The following PCDHB7 variants were observed in gnomAD, a reference collection of about 807,000 sequenced individuals.
PCDHB7 encodes the protein protocadherin beta-7.
For synonymous variants in PCDHB7, 542 were observed against 463.1 expected (o/e 1.17, Z -2.19); for missense variants, 1,148 against 1,011.6 (o/e 1.13, Z -1.83).
chr5:141,174,291 G>T lies in PCDHB7; in HGVS notation c.1456G>T (p.Val486Phe). The change falls in exon 1 of 1, where the codon GTC (valine) becomes TTC (phenylalanine). Residue 486 changes from valine (V) to phenylalanine (F), a missense_variant. By Grantham distance (50) the Val-to-Phe change is conservative. Coordinates refer to ENST00000231137, the MANE Select transcript of PCDHB7 (RefSeq NM_018940.4). Reference sequence around the variant, plus strand: ...CAGAGACTCGGGCACCAACGCCCAGGTCATCTACTCCCTGCTGCCGTCCCA... The same window carrying T: ...CAGAGACTCGGGCACCAACGCCCAGTTCATCTACTCCCTGCTGCCGTCCCA... ...TDRDSGTNAQ[V>F]IYSLLPSQDP... The T allele has an allele frequency of 2.5e-6, 4 of 1,612,480 alleles. No homozygotes were observed. The highest frequency in any genetic ancestry group is 3.4e-6 in the Non-Finnish European group (4 of 1,179,616).
rs782138451 is a variant in PCDHB7, at chr5:141,172,953, G to A, written c.118G>A (p.Glu40Lys). Residue 40 changes from glutamate to lysine, a missense_variant, in exon 1 of 1, where the codon GAG (glutamate) becomes AAG (lysine). By Grantham distance (56) the Glu-to-Lys change is moderately conservative. Transcript: ENST00000231137. ...TCGGTATTTTGTGGCGGAGGAAACC[G>A]AGAGAGGCACCTTTCTTACCAACTT... ...PLRYFVAEETERGTFLTNLAK... is the reference protein window; with the variant it reads ...PLRYFVAEETKRGTFLTNLAK... 26 of 1,614,100 alleles carry A rather than the reference G, an allele frequency of 1.6e-5. No individual in the cohort carries two copies. The highest frequency in any genetic ancestry group is 2.1e-5 in the Non-Finnish European group (25 of 1,180,052).
chr5:141,173,759 C>A lies in PCDHB7; in HGVS notation c.924C>A (p.Asp308Glu), dbSNP rs1753280497. Residue 308 changes from aspartate (D) to glutamate (E), a missense_variant, in exon 1 of 1, where the codon GAC becomes GAA. By Grantham distance (45) the Asp-to-Glu change is conservative (BLOSUM62 2). Transcript: ENST00000231137. ...GTCTTCATCTTAAAGCGCAATTGGA[C>A]TATGAGGCAATTCAAACTTACACAT... ...SGSLHLKAQL[D>E]YEAIQTYTLT... is the part of the protein sequence containing the mutation. The A allele has an allele frequency of 6.2e-7, 1 of 1,613,950 alleles. No individual in the cohort carries two copies. The highest frequency in any genetic ancestry group is 8.5e-7 in the Non-Finnish European group (1 of 1,179,974).
chr5:141,174,964 G>C lies in PCDHB7; in HGVS notation c.2129G>C (p.Arg710Pro), dbSNP rs782717515. The stretch of plus-strand genomic sequence containing the variant: ...TCGGTGCTCCTGTTCGTGGCGGTGC[G>C]GCTGTGCAGGAGGAGCAGGGCGGCC... ...LLSVLLFVAV[R>P]LCRRSRAAPV... The change falls in exon 1 of 1, where the codon CGG becomes CCG. Residue 710 changes from arginine (R) to proline (P), a missense_variant. Arg to Pro is a moderately radical substitution (Grantham distance 103). Coordinates refer to ENST00000231137, the MANE Select transcript of PCDHB7 (RefSeq NM_018940.4). 16 of 1,611,094 alleles carry C rather than the reference G, an allele frequency of 9.9e-6. No individual in the cohort carries two copies. In the Admixed American group the frequency reaches 1.0e-4, roughly 10 times the overall value.
rs1236153005 is a variant in PCDHB7 at position 141,175,413 on chromosome 5, T to A, written c.*196T>A. ...CAAAGCATGAAATGTATATGTGTAA[T>A]GTTTTATGTCAAACAATTATGCTTA... On this transcript the variant is annotated 3_prime_UTR_variant, in exon 1 of 1. Coordinates refer to ENST00000231137, the MANE Select transcript of PCDHB7 (RefSeq NM_018940.4). The A allele has an allele frequency of 1.5e-6, 1 of 686,650 alleles. No homozygotes were observed. Among genetic ancestry groups the A allele is most frequent in the East Asian group, 3.0e-5 (1 of 32,866 alleles). The allele number at this position is 686,650 out of a possible 1,614,324, so 42.5% of individuals were successfully genotyped here.
rs375732369 is a variant in PCDHB7, at chr5:141,174,909, T to A, written c.2074T>A (p.Leu692Met). Residue 692 changes from leucine to methionine, a missense_variant, in exon 1 of 1, where the codon TTG becomes ATG. Coordinates refer to ENST00000231137, the MANE Select transcript of PCDHB7 (RefSeq NM_018940.4). ...NSLTVYLVVA[L>M]ASVSSLFLLS... ...GCTCACCGTCTACCTGGTGGTGGCG[T>A]TGGCCTCGGTGTCTTCGCTCTTCCT... is the stretch of plus-strand genomic sequence containing the variant. The A allele has an allele frequency of 6.2e-7, 1 of 1,610,818 alleles. No individual in the cohort carries two copies. The highest frequency in any genetic ancestry group is 2.2e-5 in the East Asian group (1 of 44,682).
rs1753361172 is a variant in PCDHB7, at chr5:141,175,540, A to G, written c.*323A>G. 1 of 360,004 alleles carries G rather than the reference A, an allele frequency of 2.8e-6. No individual in the cohort carries two copies. Among genetic ancestry groups the G allele is most frequent in the Non-Finnish European group, 5.1e-6 (1 of 197,786 alleles). The allele number at this position is 360,004 out of a possible 1,614,324, so 22.3% of individuals were successfully genotyped here. A position where few individuals can be genotyped will look rare whatever the true frequency, so the allele number is the denominator to read the frequency against. Reference sequence around the variant, plus strand: ...CTTCCTGAGTTGATTAGAAAGCTGTATGAGTGTACCTACCCTAGTCTCAGA... The same window carrying G: ...CTTCCTGAGTTGATTAGAAAGCTGTGTGAGTGTACCTACCCTAGTCTCAGA... On this transcript the variant is annotated 3_prime_UTR_variant, in exon 1 of 1. Coordinates refer to ENST00000231137, the MANE Select transcript of PCDHB7 (RefSeq NM_018940.4).
In PCDHB7 at chr5:141,174,304, T is replaced by A; in HGVS notation, c.1469T>A (p.Leu490Gln). 3 of 1,612,484 alleles carry A rather than the reference T, an allele frequency of 1.9e-6. No individual in the cohort carries two copies. In the South Asian group the frequency reaches 3.3e-5, roughly 18 times the overall value. Residue 490 changes from leucine (L) to glutamine (Q), a missense_variant, in exon 1 of 1, where the codon CTG (leucine) becomes CAG (glutamine). Coordinates refer to ENST00000231137, the MANE Select transcript of PCDHB7 (RefSeq NM_018940.4). The stretch of plus-strand genomic sequence containing the variant: ...ACCAACGCCCAGGTCATCTACTCCC[T>A]GCTGCCGTCCCAGGACCCGCACCTG... Reference protein sequence around the residue: ...SGTNAQVIYSLLPSQDPHLPL... With the variant: ...SGTNAQVIYSQLPSQDPHLPL...
In PCDHB7 at chr5:141,173,157, T is replaced by G; in HGVS notation, c.322T>G (p.Leu108Val). 1 of 1,613,940 alleles carries G rather than the reference T, an allele frequency of 6.2e-7. No homozygotes were observed. Among genetic ancestry groups the G allele is most frequent in the Non-Finnish European group, 8.5e-7 (1 of 1,179,910 alleles). The change falls in exon 1 of 1, where the codon TTG becomes GTG. Residue 108 changes from leucine (L) to valine (V), a missense_variant. Coordinates refer to ENST00000231137, the MANE Select transcript of PCDHB7 (RefSeq NM_018940.4). ...AGAGCCCTGTGTGCTGCCTTTCCAG[T>G]TGTTATTGGAAAAACCTTTTCAGAT... is the stretch of plus-strand genomic sequence containing the variant. ...PREPCVLPFQ[L>V]LLEKPFQIFR...
rs1753261693 is a variant in PCDHB7 at position 141,173,326 on chromosome 5, C to T, written c.491C>T (p.Thr164Ile). The T allele has an allele frequency of 6.2e-7, 1 of 1,613,940 alleles. No homozygotes were observed. Among genetic ancestry groups the T allele is most frequent in the Non-Finnish European group, 8.5e-7 (1 of 1,179,924 alleles). The change falls in exon 1 of 1, where the codon ACC becomes ATC. Residue 164 changes from threonine to isoleucine, a missense_variant. Coordinates refer to ENST00000231137, the MANE Select transcript of PCDHB7 (RefSeq NM_018940.4). Reference protein sequence around the residue: ...LESAQDSDVGTNSLSNYTISP... With the variant: ...LESAQDSDVGINSLSNYTISP... The stretch of plus-strand genomic sequence containing the variant: ...AGTGCACAGGATTCAGATGTTGGAA[C>T]CAACAGCCTGAGTAACTACACCATC...
Position 141,174,665 on chromosome 5 carries a change from G to C in PCDHB7, c.1830G>C (p.Thr610=), listed in dbSNP as rs554758462. ...TGTCGTACCAGCTGCTCAAGGCCAC[G>C]GAGCCCGGGCTATTCGGCGTGTGGG... ...AWLSYQLLKA[T]EPGLFGVWAH... Residue 610 remains threonine, a synonymous_variant, in exon 1 of 1, where the codon ACG becomes ACC. Transcript: ENST00000231137. The C allele has an allele frequency of 6.2e-7, 1 of 1,610,488 alleles. No individual in the cohort carries two copies. The highest frequency in any genetic ancestry group is 1.1e-5 in the South Asian group (1 of 90,990).
Position 141,174,685 on chromosome 5 carries a change from T to A in PCDHB7, c.1850T>A (p.Val617Glu), listed in dbSNP as rs782510953. 8.1e-5 allele frequency: 131 copies of A among 1,610,510 alleles called. 2 individuals carry two copies. In the South Asian group the frequency reaches 1.4e-3, roughly 17 times the overall value. ...GCCACGGAGCCCGGGCTATTCGGCG[T>A]GTGGGCGCACAATGGCGAGGTGCGT... ...LKATEPGLFG[V>E]WAHNGEVRTA... is the part of the protein sequence containing the mutation. The change falls in exon 1 of 1, where the codon GTG (valine) becomes GAG (glutamate). Residue 617 changes from valine (V) to glutamate (E), a missense_variant. Val to Glu is a moderately radical substitution (Grantham distance 121). Transcript: ENST00000231137.
chr5:141,173,555 T>A lies in PCDHB7; in HGVS notation c.720T>A (p.Pro240=). 1 of 1,613,614 alleles carries A rather than the reference T, an allele frequency of 6.2e-7. No individual in the cohort carries two copies. Among genetic ancestry groups the A allele is most frequent in the East Asian group, 2.2e-5 (1 of 44,852 alleles). ...TTCTAGACGTAAATGACAACGCCCC[T>A]GATTTTGTGCGGTCGCTCTACAAGG... ...ILVLDVNDNA[P]DFVRSLYKVQ... Residue 240 remains proline (P), a synonymous_variant, in exon 1 of 1, where the codon CCT becomes CCA. Transcript: ENST00000231137.
Position 141,175,177 on chromosome 5 carries a change from T to C in PCDHB7, c.2342T>C (p.Val781Ala). The C allele has an allele frequency of 6.2e-7, 1 of 1,609,892 alleles. No homozygotes were observed. The highest frequency in any genetic ancestry group is 8.5e-7 in the Non-Finnish European group (1 of 1,178,226). Residue 781 changes from valine (V) to alanine (A), a missense_variant, in exon 1 of 1, where the codon GTG becomes GCG. By Grantham distance (64) the Val-to-Ala change is moderately conservative. Transcript: ENST00000231137. ...CTACCCCAGAGCACAGGCAGGGAAGTGGAAGAAAATCGCCCATTTCAGAAT... is the reference window on the plus strand; with the variant it reads ...CTACCCCAGAGCACAGGCAGGGAAGCGGAAGAAAATCGCCCATTTCAGAAT... The part of the protein sequence containing the change: ...NLLPQSTGRE[V>A]EENRPFQNNL...
In PCDHB7 at chr5:141,173,306, A is replaced by C. The variant is rs782138561; in HGVS notation, c.471A>C (p.Ala157=). ...GGGCGGCATTTCTCCTAGAGAGTGC[A>C]CAGGATTCAGATGTTGGAACCAACA... ...TPGAAFLLES[A]QDSDVGTNSL... The change falls in exon 1 of 1, where the codon GCA becomes GCC. Residue 157 remains alanine, a synonymous_variant. Transcript: ENST00000231137. The C allele has an allele frequency of 1.2e-6, 2 of 1,614,096 alleles. No individual in the cohort carries two copies. Among genetic ancestry groups the C allele is most frequent in the Non-Finnish European group, 1.7e-6 (2 of 1,179,946 alleles).
Position 141,172,893 on chromosome 5 carries a change from T to C in PCDHB7, c.58T>C (p.Phe20Leu). The C allele has an allele frequency of 3.1e-6, 5 of 1,614,196 alleles. No homozygotes were observed. The highest frequency in any genetic ancestry group is 4.2e-6 in the Non-Finnish European group (5 of 1,180,016). The change falls in exon 1 of 1, where the codon TTT (phenylalanine) becomes CTT (leucine). Residue 20 changes from phenylalanine (F) to leucine (L), a missense_variant. Phe to Leu is a conservative substitution (Grantham distance 22). Transcript: ENST00000231137. ...AAGGCAAGTCTTATTTCTTTGTGTA[T>C]TTCTGGGAATGTCTTGGGCTGGCGC... ...QKRQVLFLCVFLGMSWAGAEP... is the reference protein window; with the variant it reads ...QKRQVLFLCVLLGMSWAGAEP...
Position 141,176,046 on chromosome 5 carries a change from C to G in PCDHB7, c.*829C>G, listed in dbSNP as rs1404299219. ...GCGGAAAACAAAATTGAAAGGGCAA[C>G]CTGTGCCTTCTCCTTTCTTCAGAAC... On this transcript the variant is annotated 3_prime_UTR_variant, in exon 1 of 1. Coordinates refer to ENST00000231137, the MANE Select transcript of PCDHB7 (RefSeq NM_018940.4). 1.2e-5 allele frequency: 2 copies of G among 167,196 alleles called. No homozygotes were observed. Among genetic ancestry groups the G allele is most frequent in the African/African-American group, 4.8e-5 (2 of 41,458 alleles). 10.4% of individuals were successfully genotyped at this position (167,196 alleles called of 1,614,324 possible). A position where few individuals can be genotyped will look rare whatever the true frequency, so the allele number is the denominator to read the frequency against.
rs1179016787 is a variant in PCDHB7 at position 141,176,222 on chromosome 5, G to A, written c.*1005G>A. 6.0e-6 allele frequency: 1 copy of A among 167,100 alleles called. No homozygotes were observed. Among genetic ancestry groups the A allele is most frequent in the Non-Finnish European group, 1.5e-5 (1 of 68,122 alleles). The allele number at this position is 167,100 out of a possible 1,614,324, so 10.4% of individuals were successfully genotyped here. Reference sequence around the variant, plus strand: ...CATTTGTAATACATTTTCCTGATTTGAAAGTTTGTTTTTAAAAGTTTTCTA... The same window carrying A: ...CATTTGTAATACATTTTCCTGATTTAAAAGTTTGTTTTTAAAAGTTTTCTA... On this transcript the variant is annotated 3_prime_UTR_variant, in exon 1 of 1. Transcript: ENST00000231137.
chr5:141,173,851 A>G lies in PCDHB7; in HGVS notation c.1016A>G (p.Asp339Gly). The change falls in exon 1 of 1, where the codon GAT becomes GGT. Residue 339 changes from aspartate (D) to glycine (G), a missense_variant. Transcript: ENST00000231137. ...TGCACTGTAGTGGTTGATGTAACAG[A>G]TATAAACGATAATCGACCCGAGCTG... ...GKCTVVVDVTDINDNRPELLL... is the reference protein window; with the variant it reads ...GKCTVVVDVTGINDNRPELLL... 2 of 1,614,136 alleles carry G rather than the reference A, an allele frequency of 1.2e-6. No individual in the cohort carries two copies. The highest frequency in any genetic ancestry group is 8.5e-7 in the Non-Finnish European group (1 of 1,179,988).
rs1554280214 is a variant in PCDHB7 at position 141,174,324 on chromosome 5, C to T, written c.1489C>T (p.His497Tyr). 1 of 1,612,978 alleles carries T rather than the reference C, an allele frequency of 6.2e-7. No individual in the cohort carries two copies. ...CTCCCTGCTGCCGTCCCAGGACCCG[C>T]ACCTGCCCCTCGCCTCCCTGGTCTC... ...IYSLLPSQDP[H>Y]LPLASLVSIN... Residue 497 changes from histidine to tyrosine, a missense_variant, in exon 1 of 1, where the codon CAC (histidine) becomes TAC (tyrosine). Coordinates refer to ENST00000231137, the MANE Select transcript of PCDHB7 (RefSeq NM_018940.4).
Sources: gnomAD v4.1 joint callset for allele counts on GRCh38, gnomAD v4.1.1 for gene constraint, MANE v1.5 for transcripts, NCBI Gene and HGNC (gene_info 2026-07-23, HGNC 2026-07-21) for gene names.